The following ELAPOR2 variants were observed in gnomAD, a reference collection of about 807,000 sequenced individuals.
The protein encoded by ELAPOR2 is endosome-lysosome associated apoptosis and autophagy regulator family member 2.
In ELAPOR2, 89 loss-of-function variants were observed where a neutral mutation model predicts 120.7. The ratio of observed to expected loss-of-function variants is 0.74; its 90% confidence interval spans 0.62 to 0.88. The LOEUF is 0.88. ELAPOR2 is among the 40% of genes least tolerant of loss of function. ELAPOR2 has a pLI of 0.00. For synonymous variants in ELAPOR2, 444 were observed against 444.9 expected, an observed-to-expected ratio of 1.00 and a Z score of 0.03; for missense variants, 1,134 against 1,251.6, an observed-to-expected ratio of 0.91 and a Z score of 1.42.
intron 1 of ELAPOR2, among the ~76,000 whole-genome samples, chr7:87,009,027 C>T (rs1028666867): frequency 3.3e-5 from 5 of 152,072 alleles, no homozygotes; most frequent in Admixed American, 6.6e-5. Context: ...AGAGAACATA[C>T]CTGAATTCAC....
chr7:86,910,020 A>G lies in ELAPOR2; in HGVS notation c.2170-19T>C, dbSNP rs1286239037. The stretch of plus-strand genomic sequence containing the variant: ...TCTTCCCCTAGGAAAATAAAGTCAT[A>G]AAAGAAAGGTTTTATTGGATGTCAA... On this transcript the variant is annotated intron_variant, in intron 15 of 21. Coordinates refer to ENST00000450689, the MANE Select transcript of ELAPOR2 (RefSeq NM_001142749.3). 7 of 1,588,372 alleles carry G rather than the reference A, an allele frequency of 4.4e-6. No homozygotes were observed. In the South Asian group the frequency reaches 6.8e-5, roughly 15 times the overall value.
intron 8 of ELAPOR2, among the ~76,000 whole-genome samples, chr7:86,936,560 A>C (rs1428463262): frequency 6.6e-6 from 1 of 152,132 alleles, no homozygotes; most frequent in Non-Finnish European, 1.5e-5. Context: ...TCTTAAAAAA[A>C]CACTGAGTTT....
At chr7:87,057,577 C>A (rs761193325) in intron 1 of ELAPOR2, among the ~76,000 whole-genome samples, 8 of 152,204 alleles carry the variant, frequency 5.3e-5, no homozygotes, top group Non-Finnish European at 1.2e-4. Context: ...ACGGATGAGT[C>A]ACATGCAATT....
chr7:86,958,356 C>T (rs1395229850), intron 2 of ELAPOR2, among the ~76,000 whole-genome samples: 2 of 152,172 alleles, frequency 1.3e-5, no homozygotes, highest in African/African-American at 4.8e-5. Flanking sequence ...TTATACCTGG[C>T]ATATAGCAAG....
chr7:86,899,028 C>G (rs1788584455), intron 18 of ELAPOR2, among the ~76,000 whole-genome samples: 1 of 152,126 alleles, frequency 6.6e-6, no homozygotes, highest in African/African-American at 2.4e-5. Flanking sequence ...TAATGACAAC[C>G]TGAAAAGGTG....
At chr7:87,000,466 T>A (rs1793281993) in intron 1 of ELAPOR2, among the ~76,000 whole-genome samples, 1 of 152,162 alleles carries the variant, frequency 6.6e-6, no homozygotes, top group Non-Finnish European at 1.5e-5. Flanking sequence ...CCTGGATTTA[T>A]CCTCTGGCCC....
chr7:86,965,437 C>T (rs982783230), intron 1 of ELAPOR2, among the ~76,000 whole-genome samples: 10 of 152,296 alleles, frequency 6.6e-5, no homozygotes, highest in African/African-American at 2.2e-4. Context: ...AGAACTACTT[C>T]CATTGACCTA....
chr7:87,003,686 C>T (rs960092686), intron 1 of ELAPOR2, among the ~76,000 whole-genome samples: 5 of 152,094 alleles, frequency 3.3e-5, no homozygotes, highest in African/African-American at 1.2e-4. Flanking sequence ...AATGTGAGAA[C>T]GAGCTAATAC....
At chr7:86,954,288 A>C (rs959344310) in intron 2 of ELAPOR2, among the ~76,000 whole-genome samples, 1 of 152,206 alleles carries the variant, frequency 6.6e-6, no homozygotes, top group African/African-American at 2.4e-5. Context: ...TGAATCATTT[A>C]TATGCTGATT....
intron 1 of ELAPOR2, among the ~76,000 whole-genome samples, chr7:86,981,094 A>G (rs1406620936): frequency 1.3e-5 from 2 of 152,146 alleles, no homozygotes; most frequent in African/African-American, 4.8e-5. Context: ...GAGCTTCCAG[A>G]ACACCATTTC....
intron 19 of ELAPOR2, among the ~76,000 whole-genome samples, chr7:86,893,888 C>G (rs986796956): frequency 6.6e-6 from 1 of 152,004 alleles, no homozygotes; most frequent in Non-Finnish European, 1.5e-5. Flanking sequence ...AATCCAAGTA[C>G]AGCATATGGT....
At chr7:86,956,406 T>G (rs999341519) in intron 2 of ELAPOR2, among the ~76,000 whole-genome samples, 1 of 152,212 alleles carries the variant, frequency 6.6e-6, no homozygotes, top group Non-Finnish European at 1.5e-5. Context: ...TGAAAAGTAC[T>G]GCCTTTATAT....
chr7:86,938,113 A>G lies in ELAPOR2; in HGVS notation c.1089+13T>C. 1 of 1,544,422 alleles carries G rather than the reference A, an allele frequency of 6.5e-7. No homozygotes were observed. Reference sequence around the variant, plus strand: ...AAAAATATGGGATGGAGTTGATGCAACACTGCTGGTACCTTTCCTTCTTCA... The same window carrying G: ...AAAAATATGGGATGGAGTTGATGCAGCACTGCTGGTACCTTTCCTTCTTCA... On this transcript the variant is annotated intron_variant, in intron 8 of 21. Coordinates refer to ENST00000450689, the MANE Select transcript of ELAPOR2 (RefSeq NM_001142749.3).
chr7:87,005,404 A>C (rs1309072531), intron 1 of ELAPOR2, among the ~76,000 whole-genome samples: 3 of 152,012 alleles, frequency 2.0e-5, no homozygotes, highest in African/African-American at 7.2e-5. Flanking sequence ...AGAAAATGGC[A>C]TATGTGCTAG....
At chr7:86,904,881 G>A (rs1788897108) in intron 18 of ELAPOR2, among the ~76,000 whole-genome samples, 1 of 152,034 alleles carries the variant, frequency 6.6e-6, no homozygotes, top group African/African-American at 2.4e-5. Flanking sequence ...CAAGAAATGA[G>A]ATTTCCTGAG....
chr7:87,015,650 T>C (rs866454670), intron 1 of ELAPOR2, among the ~76,000 whole-genome samples: 1 of 151,966 alleles, frequency 6.6e-6, no homozygotes, highest in South Asian at 2.1e-4. Context: ...TACTTGGGCA[T>C]GGTGGCGGGC....
intron 1 of ELAPOR2, among the ~76,000 whole-genome samples, chr7:86,999,097 C>T (rs1793224280): frequency 6.6e-6 from 1 of 151,620 alleles, no homozygotes; most frequent in African/African-American, 2.4e-5. Context: ...TTTATAGCTG[C>T]AGAAGGGAGG....
intron 1 of ELAPOR2, among the ~76,000 whole-genome samples, chr7:87,034,283 G>A (rs1794513042): frequency 6.6e-6 from 1 of 152,010 alleles, no homozygotes; most frequent in South Asian, 2.1e-4. Flanking sequence ...ACCAATTAGA[G>A]TTAGGGAGAT....
In ELAPOR2 at chr7:87,046,479, G is replaced by A. The variant is rs561672156; in HGVS notation, c.189+12846C>T. Among the ~76,000 whole-genome samples the A allele has an allele frequency of 9.9e-5, 15 of 152,228 alleles. No individual in the cohort carries two copies. The East Asian group carries it at 2.1e-3, about 22-fold the overall frequency. On this transcript the variant is annotated intron_variant, in intron 1 of 21. Transcript: ENST00000450689. ...TTTATATGAAACCACAAAAGACCCC[G>A]AATAGCCAAAGATATCTGATACAGT... is the stretch of plus-strand genomic sequence containing the variant.
Sources: allele counts gnomAD v4.1 joint callset (sites outside exome capture counted in the v4.1 genomes callset), GRCh38; gene constraint gnomAD v4.1.1; transcripts MANE v1.5; gene names NCBI Gene and HGNC (gene_info 2026-07-23, HGNC 2026-07-21).